The following RNF217 variants were observed in gnomAD, a reference collection of about 807,000 sequenced individuals.
The protein encoded by RNF217 is ring finger protein 217.
A neutral mutation model predicts 57.8 loss-of-function variants in RNF217; 31 were observed. The observed-to-expected ratio is 0.54, with a 90% CI of 0.40 to 0.72. RNF217 has a LOEUF of 0.72. RNF217 is among the 30% of genes least tolerant of loss of function. RNF217 has a pLI of 0.00. For missense variants in RNF217, 696 were observed against 708.3 expected (o/e 0.98, Z 0.20); for synonymous variants, 313 against 294.0 (o/e 1.06, Z -0.66).
chr6:125,011,552 TA>T (rs1220714810), intron 1 of RNF217, among the ~76,000 whole-genome samples: 1 of 152,170 alleles, frequency 6.6e-6, no homozygotes, highest in Non-Finnish European at 1.5e-5. Flanking sequence ...TAACAATTTT[TA>T]AATATAATTA....
chr6:124,963,709 A>G (rs534835184), intron 1 of RNF217, among the ~76,000 whole-genome samples: 2 of 152,374 alleles, frequency 1.3e-5, no homozygotes, highest in South Asian at 4.1e-4. Flanking sequence ...ACAGGATTGC[A>G]AGCACAAGCT....
chr6:124,983,376 G>A (rs1784247108), intron 1 of RNF217: 2 of 984,938 alleles, frequency 2.0e-6, no homozygotes, highest in African/African-American at 3.5e-5. Flanking sequence ...TTAGTATACA[G>A]AGGAGGACAC....
Position 124,962,501 on chromosome 6 carries a change from C to G in RNF217, c.-44C>G. On this transcript the variant is annotated 5_prime_UTR_variant, in exon 1 of 6. Transcript: ENST00000521654. This position sits in a 1 kb window ranked among gnomAD's most constrained non-coding sequence, Gnocchi z 4.6. ...CTGCCCGCGGGCGCCGGGTGGGGGT[C>G]CCGGCGGCTGGATGGGCAGCGGCGG... The G allele has an allele frequency of 9.6e-7, 1 of 1,039,918 alleles. No individual in the cohort carries two copies. The highest frequency in any genetic ancestry group is 4.6e-5 in the South Asian group (1 of 21,640). The allele number at this position is 1,039,918 out of a possible 1,614,324, so 64.4% of individuals were successfully genotyped here.
chr6:124,965,442 G>A (rs1017218969), intron 1 of RNF217, among the ~76,000 whole-genome samples: 10 of 151,920 alleles, frequency 6.6e-5, no homozygotes, highest in African/African-American at 2.2e-4. Flanking sequence ...GCATGGTGGC[G>A]CATGCCTGTA....
At chr6:125,072,329 T>C (rs1446925129) in intron 3 of RNF217, among the ~76,000 whole-genome samples, 1 of 152,172 alleles carries the variant, frequency 6.6e-6, no homozygotes, top group African/African-American at 2.4e-5. Context: ...AACAATTTTT[T>C]CCGTGATTAT....
chr6:125,082,844 T>G lies in RNF217; in HGVS notation c.1556-20T>G. 6.4e-7 allele frequency: 1 copy of G among 1,559,348 alleles called. No individual in the cohort carries two copies. The highest frequency in any genetic ancestry group is 1.7e-4 in the Middle Eastern group (1 of 5,948). ...AAATGCCTCTCATCCTAACTAACTT[T>G]AATTTTTTCTTATCCCTAGGTTTAT... On this transcript the variant is annotated intron_variant, in intron 5 of 5. Coordinates refer to ENST00000521654, the MANE Select transcript of RNF217 (RefSeq NM_001286398.3).
chr6:125,051,301 A>G (rs945125735), intron 2 of RNF217, among the ~76,000 whole-genome samples: 10 of 151,948 alleles, frequency 6.6e-5, no homozygotes, highest in African/African-American at 2.4e-4. Context: ...GGTCTTTAGC[A>G]CAATGAACAA....
At position 125,023,912 on chromosome 6, in the gene RNF217, G is replaced by C. The variant is rs546669099; in HGVS notation, c.883-21299G>C. Among the ~76,000 whole-genome samples the C allele has an allele frequency of 2.0e-5, 3 of 152,260 alleles. No individual in the cohort carries two copies. In the East Asian group the frequency reaches 5.8e-4, roughly 29 times the overall value. ...GCAGAAAGCAGAATGTTGGTTACCA[G>C]GGGATGGGCATGGGGGGAAAAGGAC... On this transcript the variant is annotated intron_variant, in intron 1 of 5. Coordinates refer to ENST00000521654, the MANE Select transcript of RNF217 (RefSeq NM_001286398.3).
At chr6:125,025,735 T>C (rs1449370700) in intron 1 of RNF217, among the ~76,000 whole-genome samples, 1 of 117,754 alleles carries the variant, frequency 8.5e-6, no homozygotes, top group African/African-American at 3.5e-5. Context: ...TTGAAGGTGT[T>C]CTAGGGAGGG....
chr6:124,983,246 T>A, intron 1 of RNF217: 1 of 380,432 alleles, frequency 2.6e-6, no homozygotes, highest in Non-Finnish European at 3.6e-6. Flanking sequence ...CAAAAAGGTT[T>A]AGAGCCACTG....
intron 1 of RNF217, among the ~76,000 whole-genome samples, chr6:124,984,538 T>C (rs1784300999): frequency 9.0e-6 from 1 of 111,716 alleles, no homozygotes. Flanking sequence ...TGAGACCCTT[T>C]CTCAAAAAAA....
chr6:124,999,820 A>G (rs770080449), intron 1 of RNF217, among the ~76,000 whole-genome samples: 1 of 152,204 alleles, frequency 6.6e-6, no homozygotes, highest in Non-Finnish European at 1.5e-5. Flanking sequence ...CTTTTCACAT[A>G]CTTTATACTT....
intron 1 of RNF217, among the ~76,000 whole-genome samples, chr6:125,002,954 G>A (rs1264785170): frequency 6.6e-6 from 1 of 152,092 alleles, no homozygotes; most frequent in Non-Finnish European, 1.5e-5. Context: ...GGATGCTATG[G>A]AGTCAGAAAA....
chr6:124,963,640 A>G (rs1014099850), intron 1 of RNF217, among the ~76,000 whole-genome samples: 3 of 152,198 alleles, frequency 2.0e-5, no homozygotes, highest in Admixed American at 6.5e-5. Context: ...ACTTCAGGCT[A>G]TGGTTGGCAT....
At chr6:125,055,223 G>C (rs1280413312) in intron 2 of RNF217, among the ~76,000 whole-genome samples, 1 of 152,160 alleles carries the variant, frequency 6.6e-6, no homozygotes, top group African/African-American at 2.4e-5. Context: ...TTCAGTGAGA[G>C]ATAGTAAGCA....
At chr6:125,060,637 G>C (rs932843271) in intron 3 of RNF217, among the ~76,000 whole-genome samples, 1 of 151,894 alleles carries the variant, frequency 6.6e-6, no homozygotes, top group African/African-American at 2.4e-5. Flanking sequence ...TAGAGACGGG[G>C]TTTCACCATG....
At chr6:124,984,865 A>G (rs376954912) in intron 1 of RNF217, among the ~76,000 whole-genome samples, 196 of 152,314 alleles carry the variant, frequency 1.3e-3, no homozygotes, top group African/African-American at 4.6e-3. Flanking sequence ...AAATGATACT[A>G]TAAACTGAGA....
At chr6:125,059,040 A>G (rs1420490258) in intron 3 of RNF217, among the ~76,000 whole-genome samples, 1 of 152,196 alleles carries the variant, frequency 6.6e-6, no homozygotes, top group Non-Finnish European at 1.5e-5. Flanking sequence ...TATGAATACA[A>G]TTGGAAGTAA....
At chr6:124,991,982 T>C (rs893001830) in intron 1 of RNF217, among the ~76,000 whole-genome samples, 8 of 152,162 alleles carry the variant, frequency 5.3e-5, no homozygotes, top group African/African-American at 1.9e-4. Context: ...ATGACTGATA[T>C]TGAACCCAGG....
Sources: allele counts gnomAD v4.1 joint callset (sites outside exome capture counted in the v4.1 genomes callset), GRCh38; gene constraint gnomAD v4.1.1; non-coding constraint Gnocchi (gnomAD v3.1); transcripts MANE v1.5; gene names NCBI Gene and HGNC (gene_info 2026-07-23, HGNC 2026-07-21).